The following BAZ2B variants were observed in gnomAD, a reference collection of about 807,000 sequenced individuals.
BAZ2B encodes the protein bromodomain adjacent to zinc finger domain 2B.
In BAZ2B, 91 loss-of-function variants were observed where a neutral mutation model predicts 246.0. The ratio of observed to expected loss-of-function variants is 0.37; its 90% confidence interval spans 0.31 to 0.44. The LOEUF is 0.44. BAZ2B is among the 20% of genes least tolerant of loss of function. BAZ2B has a pLI of 1.00. For synonymous variants in BAZ2B, 855 were observed against 860.0 expected (o/e 0.99, Z 0.10); for missense variants, 2,332 against 2,533.7 (o/e 0.92, Z 1.71).
intron 2 of BAZ2B, among the ~76,000 whole-genome samples, chr2:159,547,089 A>G (rs2087459790): frequency 1.3e-5 from 2 of 152,284 alleles, no homozygotes; most frequent in East Asian, 3.9e-4. Flanking sequence ...AAAAATCGTA[A>G]ATTTTATGAA....
At chr2:159,493,533 C>T (rs571016331) in intron 2 of BAZ2B, among the ~76,000 whole-genome samples, 1 of 152,340 alleles carries the variant, frequency 6.6e-6, no homozygotes, top group African/African-American at 2.4e-5. Flanking sequence ...TACAAATCAG[C>T]AGTTAGCTCT....
At chr2:159,384,928 C>T (rs567246528) in intron 23 of BAZ2B, among the ~76,000 whole-genome samples, 39 of 152,104 alleles carry the variant, frequency 2.6e-4, no homozygotes, top group African/African-American at 8.7e-4. Flanking sequence ...ACAAAGACCA[C>T]GTATTACAGA....
At chr2:159,410,624 A>C (rs186281877) in intron 14 of BAZ2B, among the ~76,000 whole-genome samples, 4 of 152,268 alleles carry the variant, frequency 2.6e-5, no homozygotes, top group Middle Eastern at 3.4e-3. Flanking sequence ...TAAATTACCC[A>C]GTCTCGGGTC....
In BAZ2B at chr2:159,388,359, C is replaced by A. The variant is rs144990558; in HGVS notation, c.3216+986G>T. On this transcript the variant is annotated intron_variant, in intron 21 of 36. Transcript: ENST00000392783. The stretch of plus-strand genomic sequence containing the variant: ...GAAATTATGCTGGTTGCCAAGATTA[C>A]AGCAATGTTTCTAAATTTATACTTT... Among the ~76,000 whole-genome samples, 21 of 152,192 alleles carry A rather than the reference C, an allele frequency of 1.4e-4. No homozygotes were observed. The East Asian group carries it at 3.7e-3, about 27-fold the overall frequency.
intron 27 of BAZ2B, among the ~76,000 whole-genome samples, chr2:159,354,445 G>C (rs2058876216): frequency 6.6e-6 from 1 of 152,052 alleles, no homozygotes; most frequent in Non-Finnish European, 1.5e-5. Flanking sequence ...CCACCTCCCA[G>C]GTTCAACTGA....
In BAZ2B at chr2:159,446,922, T is replaced by C; in HGVS notation, c.556A>G (p.Thr186Ala). 1.3e-6 allele frequency: 2 copies of C among 1,599,992 alleles called. No homozygotes were observed. Among genetic ancestry groups the C allele is most frequent in the Non-Finnish European group, 1.7e-6 (2 of 1,174,378 alleles). The change falls in exon 6 of 37, where the codon ACA becomes GCA. Residue 186 changes from threonine to alanine, a missense_variant. Physicochemically the swap from Thr to Ala is moderately conservative, Grantham distance 58. Transcript: ENST00000392783. ...SNTSSVIGIN[T>A]SVLSTTASSS... The stretch of plus-strand genomic sequence containing the variant: ...GAAGCAGTAGTGGATAGTACAGATG[T>C]GTTGATACCAATTACAGATGATGTA...
chr2:159,656,510 C>A, the BAZ2B span, among the ~76,000 whole-genome samples: 20 of 152,130 alleles, frequency 1.3e-4, no homozygotes, highest in African/African-American at 4.1e-4. Flanking sequence ...TCACCCTGAA[C>A]CCCTTGACGA....
intron 2 of BAZ2B, among the ~76,000 whole-genome samples, chr2:159,545,990 C>T (rs1171576572): frequency 6.6e-6 from 1 of 152,142 alleles, no homozygotes; most frequent in African/African-American, 2.4e-5. Flanking sequence ...CAAATATGCA[C>T]ATAAAAGCTA....
the BAZ2B span, among the ~76,000 whole-genome samples, chr2:159,679,647 C>G: frequency 6.6e-6 from 1 of 152,100 alleles, no homozygotes; most frequent in East Asian, 1.9e-4. Flanking sequence ...TAAATAAATC[C>G]TTTCAATGCC....
chr2:159,570,388 G>T (rs1388394865), intron 1 of BAZ2B, among the ~76,000 whole-genome samples: 3 of 151,926 alleles, frequency 2.0e-5, no homozygotes, highest in East Asian at 1.9e-4. Flanking sequence ...TTTCACTGTT[G>T]GCCAGGCTGG....
At chr2:159,486,067 A>G (rs1339065574) in intron 2 of BAZ2B, among the ~76,000 whole-genome samples, 2 of 152,222 alleles carry the variant, frequency 1.3e-5, no homozygotes, top group African/African-American at 2.4e-5. Context: ...ATAAAAGATA[A>G]TAAGAGTTAA....
chr2:159,572,651 T>C (rs1321257081), intron 1 of BAZ2B, among the ~76,000 whole-genome samples: 1 of 152,238 alleles, frequency 6.6e-6, no homozygotes, highest in African/African-American at 2.4e-5. Context: ...TTTTTAGAGC[T>C]AGATTTTTGC....
At chr2:159,343,808 C>T (rs775582117) in intron 31 of BAZ2B, among the ~76,000 whole-genome samples, 17 of 151,494 alleles carry the variant, frequency 1.1e-4, no homozygotes, top group Non-Finnish European at 2.1e-4. Flanking sequence ...GGGCAGATCA[C>T]AAGGTCAGGA....
rs562404224 is a variant in BAZ2B, at chr2:159,343,755, C to A, written c.5454+3731G>T. Among the ~76,000 whole-genome samples, 280 of 152,120 alleles carry A rather than the reference C, an allele frequency of 1.8e-3. 1 individual carries two copies. The highest frequency in any genetic ancestry group is 6.3e-3 in the African/African-American group (263 of 41,518). ...AAAAAGAAAAAAAACGGCCGGGCGC[C>A]GTGGCTCACATCTGTAATCCCAGCA... On this transcript the variant is annotated intron_variant, in intron 31 of 36. Coordinates refer to ENST00000392783, the MANE Select transcript of BAZ2B (RefSeq NM_013450.4).
chr2:159,453,830 TG>T (rs2075388651), intron 3 of BAZ2B, 29 bp from the exon 4 acceptor site: 2 of 1,531,176 alleles, frequency 1.3e-6, no homozygotes, highest in African/African-American at 2.8e-5. Flanking sequence ...CACTTAAAGT[TG>T]TACTATAAAA....
At chr2:159,628,385 A>C in the BAZ2B span, among the ~76,000 whole-genome samples, 1 of 152,238 alleles carries the variant, frequency 6.6e-6, no homozygotes, top group Non-Finnish European at 1.5e-5. Flanking sequence ...AAAAAGAACA[A>C]AGCTGTAGGC....
the BAZ2B span, among the ~76,000 whole-genome samples, chr2:159,663,813 G>A: frequency 1.0e-3 from 150 of 149,416 alleles, 3 homozygotes; most frequent in South Asian, 0.018. Context: ...CACCGGGCCC[G>A]GCTGCCTGTT....
chr2:159,508,907 T>C (rs1442476882), intron 2 of BAZ2B, among the ~76,000 whole-genome samples: 1 of 152,208 alleles, frequency 6.6e-6, no homozygotes, highest in Non-Finnish European at 1.5e-5. Context: ...GGGAAACTTG[T>C]AATTAGGTCA....
rs1401630388 is a variant in BAZ2B at position 159,597,789 on chromosome 2, C to T, written c.-46+18453G>A. ...CCTTCTATGTGTATGTTTATTGTTA[C>T]TTTGATTAAATAAGTAACCAAAGCT... On this transcript the variant is annotated intron_variant, in intron 1 of 36. Coordinates refer to ENST00000392783, the MANE Select transcript of BAZ2B (RefSeq NM_013450.4). Among the ~76,000 whole-genome samples the T allele has an allele frequency of 2.0e-5, 3 of 152,046 alleles. No homozygotes were observed. In the East Asian group the frequency reaches 5.8e-4, roughly 29 times the overall value.
Sources: gnomAD v4.1 joint callset for allele counts (sites outside exome capture counted in the v4.1 genomes callset) on GRCh38, gnomAD v4.1.1 for gene constraint, MANE v1.5 for transcripts, NCBI Gene and HGNC (gene_info 2026-07-23, HGNC 2026-07-21) for gene names.